MTMR3: variants seen among roughly 807,000 people sequenced by gnomAD.
MTMR3 encodes myotubularin related protein 3.
A neutral mutation model predicts 132.4 loss-of-function variants in MTMR3; 32 were observed. The observed-to-expected ratio is 0.24, with a 90% CI of 0.18 to 0.32. The LOEUF is 0.32. Among genes scored for constraint, MTMR3 ranks in the 10% least tolerant of loss-of-function variants. The probability of loss-of-function intolerance (pLI) is 1.00; values close to 1 mark genes in which losing one functional copy is unlikely to be tolerated. For synonymous variants in MTMR3, 556 were observed against 550.3 expected, an observed-to-expected ratio of 1.01 and a Z score of -0.14; for missense variants, 1,216 against 1,489.6, an observed-to-expected ratio of 0.82 and a Z score of 3.02.
At chr22:30,015,688 G>C (rs1203215789) in intron 14 of MTMR3, 1 of 152,192 alleles carries the variant, frequency 6.6e-6, no homozygotes, top group Non-Finnish European at 1.5e-5. Context: ...ACACAAGGCA[G>C]GCTGTGTCAT....
Position 30,025,881 on chromosome 22 carries a change from CG to C in MTMR3, c.*81del. On this transcript the variant is annotated 3_prime_UTR_variant, in exon 20 of 20. Coordinates refer to ENST00000401950, the MANE Select transcript of MTMR3 (RefSeq NM_021090.4). ...CTCAACCTGGGCAGACCGAGAGGCCCGTGCACTTTGGAATGGGAGCGTGGAA... is the reference window on the plus strand; with the variant it reads ...CTCAACCTGGGCAGACCGAGAGGCCCTGCACTTTGGAATGGGAGCGTGGAA... The C allele has an allele frequency of 6.7e-7, 1 of 1,497,848 alleles. No individual in the cohort carries two copies. Among genetic ancestry groups the C allele is most frequent in the Non-Finnish European group, 9.2e-7 (1 of 1,082,628 alleles). 92.8% of individuals were successfully genotyped at this position (1,497,848 alleles called of 1,614,324 possible).
chr22:29,974,921 G>A (rs1416380556), intron 3 of MTMR3, among the ~76,000 whole-genome samples: 1 of 152,056 alleles, frequency 6.6e-6, no homozygotes, highest in Non-Finnish European at 1.5e-5. Context: ...TCCCATATTG[G>A]TTTATGAGAA....
At chr22:29,938,247 T>C (rs2065788552) in intron 1 of MTMR3, among the ~76,000 whole-genome samples, 1 of 152,228 alleles carries the variant, frequency 6.6e-6, no homozygotes, top group Non-Finnish European at 1.5e-5. Flanking sequence ...GAATATTCCA[T>C]GCTTTGCGTA....
chr22:29,957,272 T>TTTG (rs1840762252), intron 2 of MTMR3, among the ~76,000 whole-genome samples, 184 bp downstream of exon 2: 1 of 151,702 alleles, frequency 6.6e-6, no homozygotes, highest in African/African-American at 2.4e-5. Context: ...TATTTTTTTT[T>TTTG]TTCACTAGGA....
chr22:29,902,382 A>G (rs187442516), intron 1 of MTMR3, among the ~76,000 whole-genome samples: 1 of 151,066 alleles, frequency 6.6e-6, no homozygotes, highest in Admixed American at 6.6e-5. Context: ...AAGTAGTAGA[A>G]TGGTTATATA....
chr22:29,966,488 A>T (rs1342085895), intron 2 of MTMR3, among the ~76,000 whole-genome samples: 1 of 152,138 alleles, frequency 6.6e-6, no homozygotes, highest in Non-Finnish European at 1.5e-5. Context: ...GTAGTTTTCC[A>T]TAGACTAGAT....
Position 29,978,512 on chromosome 22 carries a change from G to T in MTMR3, c.74G>T (p.Arg25Leu), listed in dbSNP as rs1474476495. Residue 25 changes from arginine (R) to leucine (L), a missense_variant, in exon 4 of 20, where the codon CGG becomes CTG. Transcript: ENST00000401950. The part of the protein sequence containing the change: ...NQIFPRKQLI[R>L]EDENLQVPFL... Reference sequence around the variant, plus strand: ...ATCTTTCCCAGGAAGCAGCTGATCCGGGAGGATGAGAATCTTCAGGTAATT... The same window carrying T: ...ATCTTTCCCAGGAAGCAGCTGATCCTGGAGGATGAGAATCTTCAGGTAATT... 6.2e-7 allele frequency: 1 copy of T among 1,613,408 alleles called. No homozygotes were observed. The highest frequency in any genetic ancestry group is 1.1e-5 in the South Asian group (1 of 91,048).
chr22:29,899,889 A>C (rs1167771622), intron 1 of MTMR3, among the ~76,000 whole-genome samples: 4 of 152,192 alleles, frequency 2.6e-5, no homozygotes, highest in African/African-American at 4.8e-5. Context: ...GGAAAGGTGC[A>C]CTTCTTTGTA....
At chr22:29,965,975 A>G (rs2066407650) in intron 2 of MTMR3, among the ~76,000 whole-genome samples, 1 of 152,148 alleles carries the variant, frequency 6.6e-6, no homozygotes, top group Non-Finnish European at 1.5e-5. Flanking sequence ...TAATTCTTCA[A>G]TAACTGGAGG....
At chr22:29,889,280 G>A (rs1035136430) in intron 1 of MTMR3, among the ~76,000 whole-genome samples, 1 of 147,790 alleles carries the variant, frequency 6.8e-6, no homozygotes, top group South Asian at 2.2e-4. Context: ...TGAAAGCTAC[G>A]GAACTTTTTT....
chr22:30,014,675 G>A (rs921630917), intron 14 of MTMR3: 1 of 151,942 alleles, frequency 6.6e-6, no homozygotes, highest in African/African-American at 2.4e-5. Context: ...TGCCTGGCTA[G>A]TTTTTAAAAA....
chr22:29,922,961 T>A (rs1040717339), intron 1 of MTMR3, among the ~76,000 whole-genome samples: 1 of 150,672 alleles, frequency 6.6e-6, no homozygotes, highest in African/African-American at 2.4e-5. Context: ...TGATCAGGGC[T>A]CATTGCAGGC....
chr22:29,974,128 T>C (rs919292481), intron 3 of MTMR3, among the ~76,000 whole-genome samples: 6 of 152,112 alleles, frequency 3.9e-5, no homozygotes, highest in African/African-American at 1.4e-4. Context: ...TACCAGGAAA[T>C]TAATGACATG....
rs1448371613 is a variant in MTMR3, at chr22:30,029,395, T to C, written c.*3594T>C. 6.6e-6 allele frequency: 1 copy of C among 152,384 alleles called. No individual in the cohort carries two copies. The highest frequency in any genetic ancestry group is 1.5e-5 in the Non-Finnish European group (1 of 68,044). 9.4% of individuals were successfully genotyped at this position (152,384 alleles called of 1,614,324 possible). Reference sequence around the variant, plus strand: ...AGTTTTCCTGTAATAATTTTGCTTATATGCTAACTCTTTTCATGTTAGCAA... The same window carrying C: ...AGTTTTCCTGTAATAATTTTGCTTACATGCTAACTCTTTTCATGTTAGCAA... On this transcript the variant is annotated 3_prime_UTR_variant, in exon 20 of 20. Transcript: ENST00000401950.
chr22:29,928,732 C>A (rs937265148), intron 1 of MTMR3, among the ~76,000 whole-genome samples: 2 of 151,900 alleles, frequency 1.3e-5, no homozygotes, highest in Non-Finnish European at 1.5e-5. Context: ...CTAGGCTGAT[C>A]CTGAACTCCT....
At chr22:30,009,640 A>G (rs2067361290) in intron 12 of MTMR3, 1 of 153,394 alleles carries the variant, frequency 6.5e-6, no homozygotes, top group Non-Finnish European at 1.5e-5. Flanking sequence ...TTTACTAAGC[A>G]TATTATCCTG....
chr22:29,964,323 A>G (rs903986788), intron 2 of MTMR3, among the ~76,000 whole-genome samples: 1 of 152,098 alleles, frequency 6.6e-6, no homozygotes, highest in Non-Finnish European at 1.5e-5. Flanking sequence ...TGCGATTTGT[A>G]GTGTTTTTTG....
intron 1 of MTMR3, among the ~76,000 whole-genome samples, chr22:29,930,400 T>G (rs1484827961): frequency 2.0e-5 from 3 of 152,214 alleles, no homozygotes; most frequent in African/African-American, 7.2e-5. Context: ...CCTAGCATTA[T>G]ATTCACATTA....
chr22:29,984,472 C>T (rs2066817925), intron 5 of MTMR3: 4 of 152,210 alleles, frequency 2.6e-5, no homozygotes, highest in African/African-American at 9.6e-5. Flanking sequence ...TGCTGCTCTT[C>T]TGCTTTTTTT....
Sources: gnomAD v4.1 joint callset for allele counts (sites outside exome capture counted in the v4.1 genomes callset) on GRCh38, gnomAD v4.1.1 for gene constraint, MANE v1.5 for transcripts, NCBI Gene and HGNC (gene_info 2026-07-23, HGNC 2026-07-21) for gene names.